The following FCRL4 variants were observed in gnomAD, a reference collection of about 807,000 sequenced individuals.
The protein encoded by FCRL4 is Fc receptor-like protein 4.
FCRL4 carries 43 observed loss-of-function variants against 64.1 expected under a neutral mutation model. The ratio of observed to expected loss-of-function variants is 0.67; its 90% CI spans 0.53 to 0.87. FCRL4 has a LOEUF of 0.87. Among genes scored for constraint, FCRL4 ranks in the 40% least tolerant of loss-of-function variants. The probability of loss-of-function intolerance (pLI) is 0.00; values close to 1 mark genes in which losing one functional copy is unlikely to be tolerated. For missense variants in FCRL4, 656 were observed against 613.5 expected (o/e 1.07, Z -0.73); for synonymous variants, 253 against 239.8 (o/e 1.05, Z -0.51).
At chr1:157,580,108 T>C (rs1329119402) in intron 8 of FCRL4, among the ~76,000 whole-genome samples, 4 of 152,204 alleles carry the variant, frequency 2.6e-5, no homozygotes, top group African/African-American at 4.8e-5. Context: ...TAAGATCAAA[T>C]AAGAAATCTA....
chr1:157,597,767 A>C (rs368747581), intron 1 of FCRL4, 147 bp downstream of exon 1: 9 of 590,150 alleles, frequency 1.5e-5, no homozygotes, highest in African/African-American at 1.3e-4. Context: ...CCCTTCTACC[A>C]GTAAATCATT....
At position 157,587,495 on chromosome 1, in the gene FCRL4, G is replaced by A. The variant is rs1339043433; in HGVS notation, c.628C>T (p.Leu210=). The A allele has an allele frequency of 2.5e-6, 4 of 1,614,166 alleles. No individual in the cohort carries two copies. The highest frequency in any genetic ancestry group is 3.4e-6 in the Non-Finnish European group (4 of 1,179,994). ...GGAGGAAGCTGTGTTTCACAGCTCA[G>A]GTTTACAGAATTCCCCTCTGTAGGC... The part of the protein sequence containing the change: ...SQPTEGNSVN[L]SCETQLPPER... Residue 210 remains leucine (L), a synonymous_variant, in exon 5 of 12, where the codon CTG becomes TTG. Coordinates refer to ENST00000271532, the MANE Select transcript of FCRL4 (RefSeq NM_031282.3).
chr1:157,590,927 A>G (rs749940300), intron 2 of FCRL4, among the ~76,000 whole-genome samples: 1 of 152,212 alleles, frequency 6.6e-6, no homozygotes, highest in Admixed American at 6.5e-5. Flanking sequence ...CAACTGATGA[A>G]AAGCAGATTC....
chr1:157,579,294 T>C (rs1402329537), intron 8 of FCRL4, among the ~76,000 whole-genome samples: 1 of 152,226 alleles, frequency 6.6e-6, no homozygotes, highest in Non-Finnish European at 1.5e-5. Flanking sequence ...TGCTTAAGCC[T>C]GGCAGGTCAA....
chr1:157,582,765 A>G (rs1652590316), intron 6 of FCRL4, among the ~76,000 whole-genome samples: 1 of 152,214 alleles, frequency 6.6e-6, no homozygotes, highest in Non-Finnish European at 1.5e-5. Flanking sequence ...AATAAACAGT[A>G]TTCAGTGGAC....
chr1:157,577,867 G>C (rs756759673), intron 10 of FCRL4, among the ~76,000 whole-genome samples: 1 of 152,238 alleles, frequency 6.6e-6, no homozygotes, highest in East Asian at 1.9e-4. Context: ...ATCTGATGTA[G>C]AGTCCCCAGA....
chr1:157,582,080 A>G (rs1043638043), intron 6 of FCRL4, among the ~76,000 whole-genome samples: 7 of 152,210 alleles, frequency 4.6e-5, no homozygotes, highest in Admixed American at 4.6e-4. Context: ...ATTGCTCCGC[A>G]TTGGGACACC....
chr1:157,573,780 T>G lies in FCRL4; in HGVS notation c.*1744A>C, dbSNP rs1446561230. The G allele has an allele frequency of 5.4e-6, 1 of 184,400 alleles. No individual in the cohort carries two copies. Among genetic ancestry groups the G allele is most frequent in the Non-Finnish European group, 1.2e-5 (1 of 86,946 alleles). 11.4% of individuals were successfully genotyped at this position (184,400 alleles called of 1,614,324 possible). A position where few individuals can be genotyped will look rare whatever the true frequency, so the allele number is the denominator to read the frequency against. ...AATAAGCTTTAATCTAATACTTCAG[T>G]ATAAGCGCTGAAAGTGAATATCCTT... On this transcript the variant is annotated 3_prime_UTR_variant, in exon 12 of 12. Transcript: ENST00000271532.
At chr1:157,585,352 T>TTCTCTCTC (rs1558155033) in intron 6 of FCRL4, among the ~76,000 whole-genome samples, 8 of 44,988 alleles carry the variant, frequency 1.8e-4, no homozygotes, top group African/African-American at 6.9e-4. Context: ...CTCTCTTTCT[T>TTCTCTCTC]TCTTTCTTTC....
intron 2 of FCRL4, among the ~76,000 whole-genome samples, chr1:157,590,620 C>T (rs764010760): frequency 3.8e-4 from 57 of 151,298 alleles, no homozygotes; most frequent in Non-Finnish European, 7.8e-4. Context: ...CAGATTCAAG[C>T]GATTCTCCTG....
At chr1:157,579,825 A>G (rs973198331) in intron 8 of FCRL4, among the ~76,000 whole-genome samples, 5 of 152,248 alleles carry the variant, frequency 3.3e-5, no homozygotes, top group African/African-American at 1.2e-4. Flanking sequence ...TTCCTTACCT[A>G]AGACTGAGAC....
intron 10 of FCRL4, among the ~76,000 whole-genome samples, chr1:157,577,159 G>C (rs1652435738): frequency 6.6e-6 from 1 of 152,180 alleles, no homozygotes; most frequent in South Asian, 2.1e-4. Flanking sequence ...TGTCCAATGT[G>C]TCTCTGCTTT....
At chr1:157,588,170 C>T (rs1178262104) in intron 3 of FCRL4, 51 bp from the exon 4 acceptor site, 6 of 1,538,170 alleles carry the variant, frequency 3.9e-6, no homozygotes, top group Non-Finnish European at 5.2e-6. Flanking sequence ...CCTGCTATCT[C>T]CTTCTTCTCT....
chr1:157,587,249 G>A (rs373951460), intron 5 of FCRL4, 27 bp downstream of exon 5: 42 of 1,606,590 alleles, frequency 2.6e-5, no homozygotes, highest in Admixed American at 5.0e-5. Context: ...GAGAGGCAGG[G>A]AAGATGCCTG....
rs1652347018 is a variant in FCRL4 at position 157,574,042 on chromosome 1, G to C, written c.*1482C>G. The C allele has an allele frequency of 4.8e-6, 1 of 208,978 alleles. No homozygotes were observed. The highest frequency in any genetic ancestry group is 5.9e-5 in the Admixed American group (1 of 16,916). 12.9% of individuals were successfully genotyped at this position (208,978 alleles called of 1,614,324 possible). A position where few individuals can be genotyped will look rare whatever the true frequency, so the allele number is the denominator to read the frequency against. ...CTCTTTTTTTGGGGGTGATACATGT[G>C]ACAAATTCATACACTCATATAATTT... On this transcript the variant is annotated 3_prime_UTR_variant, in exon 12 of 12. Transcript: ENST00000271532.
chr1:157,596,476 C>T, intron 1 of FCRL4, 128 bp from the exon 2 acceptor site: 11 of 1,064,664 alleles, frequency 1.0e-5, no homozygotes, highest in Non-Finnish European at 1.6e-5. Context: ...TCCATCCATC[C>T]CAGGGAAGCG....
intron 6 of FCRL4, among the ~76,000 whole-genome samples, chr1:157,584,374 A>C (rs1200102586): frequency 6.6e-6 from 1 of 151,356 alleles, no homozygotes; most frequent in East Asian, 1.9e-4. Flanking sequence ...ATGAAAAATA[A>C]ATTAAAAAAA....
intron 10 of FCRL4, 64 bp from the exon 11 acceptor site, chr1:157,575,794 AGCTGAT>A (rs1652391220): frequency 1.3e-6 from 2 of 1,528,646 alleles, no homozygotes; most frequent in Admixed American, 3.3e-5. Context: ...TCAGTCTGTT[AGCTGAT>A]GCCCTAGAGT....
intron 9 of FCRL4, 76 bp downstream of exon 9, chr1:157,578,694 G>T (rs772470068): frequency 2.7e-6 from 4 of 1,478,262 alleles, no homozygotes; most frequent in Non-Finnish European, 3.8e-6. Flanking sequence ...GAGTCCAGGG[G>T]CATTTCCCAG....
Sources: allele counts gnomAD v4.1 joint callset (sites outside exome capture counted in the v4.1 genomes callset), GRCh38; gene constraint gnomAD v4.1.1; transcripts MANE v1.5; gene names NCBI Gene and HGNC (gene_info 2026-07-23, HGNC 2026-07-21).